Variants in TSHZ2 observed in about 807,000 individuals in gnomAD.
TSHZ2 encodes the protein teashirt zinc finger homeobox 2.
A neutral mutation model predicts 74.4 loss-of-function variants in TSHZ2; 21 were observed. That is an observed-to-expected ratio of 0.28 (90% CI 0.20 to 0.41). TSHZ2 has a LOEUF of 0.41. Among genes scored for constraint, TSHZ2 ranks in the 10% least tolerant of loss-of-function variants. The probability of loss-of-function intolerance (pLI) is 1.00; values close to 1 mark genes in which losing one functional copy is unlikely to be tolerated. For synonymous variants in TSHZ2, 540 were observed against 515.3 expected, an observed-to-expected ratio of 1.05 and a Z score of -0.65; for missense variants, 1,244 against 1,293.5, an observed-to-expected ratio of 0.96 and a Z score of 0.59.
chr20:53,131,038 G>A (rs868391739), intron 1 of TSHZ2, among the ~76,000 whole-genome samples: 3 of 152,196 alleles, frequency 2.0e-5, no homozygotes, highest in African/African-American at 7.2e-5. Flanking sequence ...CAGTGATGAT[G>A]ATTTCATTTT....
rs142475739 is a variant in TSHZ2, at chr20:53,165,480, T to C, written c.41-88019T>C. ...GCGATTGAAAATTTTCTCCTGCAGGTAGCTACAGATGCTAGGGAGAAAATG... is the reference window on the plus strand; with the variant it reads ...GCGATTGAAAATTTTCTCCTGCAGGCAGCTACAGATGCTAGGGAGAAAATG... On this transcript the variant is annotated intron_variant, in intron 1 of 2. Transcript: ENST00000371497. 2.2e-4 allele frequency among the ~76,000 whole-genome samples: 34 copies of C among 152,278 alleles called. No individual in the cohort carries two copies. The East Asian group carries it at 6.2e-3, about 28-fold the overall frequency.
chr20:53,020,049 G>A (rs1190702266), intron 1 of TSHZ2, among the ~76,000 whole-genome samples: 1 of 152,112 alleles, frequency 6.6e-6, no homozygotes, highest in Non-Finnish European at 1.5e-5. Flanking sequence ...GAGTATGCAG[G>A]GGGAAACTGC....
In TSHZ2 at chr20:53,158,863, C is replaced by A. The variant is rs188762738; in HGVS notation, c.41-94636C>A. On this transcript the variant is annotated intron_variant, in intron 1 of 2. Transcript: ENST00000371497. ...GCCTCCCTGGCTGGTCTTTGCCTCACCTGCCCACTTTGCACACAAAAGCCA... is the reference window on the plus strand; with the variant it reads ...GCCTCCCTGGCTGGTCTTTGCCTCAACTGCCCACTTTGCACACAAAAGCCA... Among the ~76,000 whole-genome samples, 1,032 of 152,346 alleles carry A rather than the reference C, an allele frequency of 6.8e-3. 10 individuals carry two copies. Among genetic ancestry groups the A allele is most frequent in the Middle Eastern group, 0.02 (6 of 294 alleles).
At chr20:53,123,119 T>TC (rs1327890133) in intron 1 of TSHZ2, among the ~76,000 whole-genome samples, 2 of 152,206 alleles carry the variant, frequency 1.3e-5, no homozygotes, top group Non-Finnish European at 2.9e-5. Flanking sequence ...CAGCCACCTC[T>TC]CCATCAGCTC....
chr20:53,428,135 A>G (rs1428317362), intron 2 of TSHZ2, among the ~76,000 whole-genome samples: 1 of 152,218 alleles, frequency 6.6e-6, no homozygotes, highest in African/African-American at 2.4e-5. Context: ...CTGTGGGGGC[A>G]TGATGTGGAG....
chr20:53,426,091 G>A (rs1447846939), intron 2 of TSHZ2, among the ~76,000 whole-genome samples: 1 of 152,208 alleles, frequency 6.6e-6, no homozygotes, highest in Non-Finnish European at 1.5e-5. Context: ...ATAAACAGGG[G>A]AGGACAAACT....
intron 2 of TSHZ2, among the ~76,000 whole-genome samples, chr20:53,302,734 T>C (rs1021852875): frequency 6.6e-6 from 1 of 152,222 alleles, no homozygotes; most frequent in Admixed American, 6.5e-5. Flanking sequence ...TTAGTCTCAG[T>C]GAGCCTTGGA....
intron 2 of TSHZ2, among the ~76,000 whole-genome samples, chr20:53,264,767 A>G (rs1274748706): frequency 1.3e-5 from 2 of 152,076 alleles, no homozygotes; most frequent in African/African-American, 4.8e-5. Context: ...CCCTTTATTC[A>G]CTTGGGTGCT....
chr20:53,096,922 C>CAAAAA (rs55974161), intron 1 of TSHZ2, among the ~76,000 whole-genome samples: 2 of 150,598 alleles, frequency 1.3e-5, no homozygotes, highest in African/African-American at 4.9e-5. Flanking sequence ...AAACAAAAAA[C>CAAAAA]AAAACAAAAA....
chr20:52,984,332 C>CTGGTGTTT (rs1330519298), intron 1 of TSHZ2, among the ~76,000 whole-genome samples: 2 of 152,108 alleles, frequency 1.3e-5, no homozygotes, highest in Non-Finnish European at 2.9e-5. Context: ...GTGTCAGGGT[C>CTGGTGTTT]TGGTGTTTGC....
intron 2 of TSHZ2, among the ~76,000 whole-genome samples, chr20:53,439,548 A>G (rs1984231639): frequency 6.6e-6 from 1 of 152,182 alleles, no homozygotes; most frequent in South Asian, 2.1e-4. Flanking sequence ...GAACAAGGAG[A>G]TAAGGACAGG....
At chr20:53,347,344 C>G (rs1271038729) in intron 2 of TSHZ2, among the ~76,000 whole-genome samples, 1 of 152,156 alleles carries the variant, frequency 6.6e-6, no homozygotes, top group Non-Finnish European at 1.5e-5. Context: ...GAGGCAAAAT[C>G]ACCACTGGCT....
chr20:53,299,483 AG>A (rs1279056589), intron 2 of TSHZ2, among the ~76,000 whole-genome samples: 1 of 152,200 alleles, frequency 6.6e-6, no homozygotes, highest in African/African-American at 2.4e-5. Flanking sequence ...TTCTGTCCCA[AG>A]TATAACTGCT....
At chr20:52,989,267 C>A (rs993031582) in intron 1 of TSHZ2, among the ~76,000 whole-genome samples, 2 of 150,624 alleles carry the variant, frequency 1.3e-5, no homozygotes, top group South Asian at 4.2e-4. Context: ...CATTTTAAAA[C>A]AACCCATTGT....
At chr20:53,081,230 C>G (rs1985525427) in intron 1 of TSHZ2, among the ~76,000 whole-genome samples, 1 of 152,116 alleles carries the variant, frequency 6.6e-6, no homozygotes, top group South Asian at 2.1e-4. Context: ...TGAGGTCTCG[C>G]TATGTTACCC....
At chr20:53,073,614 C>T (rs1026735681) in intron 1 of TSHZ2, among the ~76,000 whole-genome samples, 5 of 152,170 alleles carry the variant, frequency 3.3e-5, no homozygotes, top group Non-Finnish European at 7.3e-5. Context: ...AAGTATGAGT[C>T]ATTTTAACAA....
At chr20:53,147,982 G>A (rs1448238100) in intron 1 of TSHZ2, among the ~76,000 whole-genome samples, 2 of 152,182 alleles carry the variant, frequency 1.3e-5, no homozygotes, top group East Asian at 3.8e-4. Context: ...CTAAAGTGCT[G>A]GGATTACAGG....
intron 2 of TSHZ2, among the ~76,000 whole-genome samples, chr20:53,462,753 T>C (rs1985420047): frequency 6.6e-6 from 1 of 152,190 alleles, no homozygotes; most frequent in South Asian, 2.1e-4. Context: ...GTTTCTGCAG[T>C]GCACAAATAG....
At chr20:53,061,639 T>A (rs879533469) in intron 1 of TSHZ2, among the ~76,000 whole-genome samples, 3 of 152,122 alleles carry the variant, frequency 2.0e-5, no homozygotes, top group Non-Finnish European at 2.9e-5. Context: ...TACTGACAGG[T>A]TGTATCTATT....
Sources: allele counts gnomAD v4.1 joint callset (sites outside exome capture counted in the v4.1 genomes callset), GRCh38; gene constraint gnomAD v4.1.1; transcripts MANE v1.5; gene names NCBI Gene and HGNC (gene_info 2026-07-23, HGNC 2026-07-21).